The following FBLN2 variants were observed in gnomAD, a reference collection of about 807,000 sequenced individuals.
FBLN2 encodes the protein fibulin 2.
FBLN2 carries 81 observed loss-of-function variants against 123.7 expected under a neutral mutation model. That is an observed-to-expected ratio of 0.65 (90% CI 0.55 to 0.79). The LOEUF (loss-of-function observed/expected upper bound fraction) is 0.79. Ranked by LOEUF, FBLN2 falls within the 30% of genes least tolerant of loss-of-function variation. The pLI is 0.00. For missense variants in FBLN2, 1,603 were observed against 1,681.3 expected, an observed-to-expected ratio of 0.95 and a Z score of 0.81; for synonymous variants, 699 against 701.4, an observed-to-expected ratio of 1.00 and a Z score of 0.05.
intron 2 of FBLN2, among the ~76,000 whole-genome samples, chr3:13,603,632 A>G (rs145288106): frequency 0.014 from 2,147 of 152,130 alleles, 54 homozygotes; most frequent in African/African-American, 0.049. Context: ...AATCCAGTCT[A>G]TCATTGATGG....
In FBLN2 at chr3:13,637,765, G is replaced by A. The variant is rs758148710; in HGVS notation, c.3542G>A (p.Arg1181Lys). Reference sequence around the variant, plus strand: ...GAGGAGGGCTACTTTGGCACGCGCAGGCTCAATGCCTACACGGGTGTGGTC... The same window carrying A: ...GAGGAGGGCTACTTTGGCACGCGCAAGCTCAATGCCTACACGGGTGTGGTC... ...GNEEGYFGTR[R>K]LNAYTGVVYL... Residue 1181 changes from arginine (R) to lysine (K), a missense_variant, in exon 18 of 18, where the codon AGG becomes AAG. Physicochemically the swap from Arg to Lys is conservative, Grantham distance 26. Transcript: ENST00000404922. 2.3e-5 allele frequency: 37 copies of A among 1,613,952 alleles called. No individual in the cohort carries two copies. Among genetic ancestry groups the A allele is most frequent in the South Asian group, 1.3e-4 (12 of 91,082 alleles).
chr3:13,586,654 T>C (rs9844115), intron 2 of FBLN2, among the ~76,000 whole-genome samples: 33,611 of 148,394 alleles, frequency 0.23, 5,246 homozygotes, highest in East Asian at 0.43. Context: ...CATGGTGCCA[T>C]GCCCAGCTAA....
intron 2 of FBLN2, among the ~76,000 whole-genome samples, chr3:13,588,219 T>A (rs768942105): frequency 1.8e-4 from 28 of 152,232 alleles, no homozygotes; most frequent in Non-Finnish European, 4.0e-4. Flanking sequence ...CCTGTAGTAC[T>A]CAGTACAGTC....
chr3:13,614,568 C>T (rs550469310), intron 5 of FBLN2, among the ~76,000 whole-genome samples: 30 of 144,054 alleles, frequency 2.1e-4, no homozygotes, highest in African/African-American at 7.0e-4. Flanking sequence ...TCCTCTATCC[C>T]ATCATCTGTC....
At chr3:13,570,053 C>T (rs552830599) in intron 1 of FBLN2, among the ~76,000 whole-genome samples, 3 of 152,104 alleles carry the variant, frequency 2.0e-5, no homozygotes, top group East Asian at 1.9e-4. Context: ...GATGGAGTGG[C>T]CCAGCAAACA....
At chr3:13,590,590 T>A (rs933854976) in intron 2 of FBLN2, among the ~76,000 whole-genome samples, 4 of 152,192 alleles carry the variant, frequency 2.6e-5, no homozygotes, top group Admixed American at 2.0e-4. Flanking sequence ...CCTCCCAAAA[T>A]GCTGGGATTA....
chr3:13,559,126 G>A (rs573148919), intron 1 of FBLN2, among the ~76,000 whole-genome samples: 3 of 152,204 alleles, frequency 2.0e-5, no homozygotes, highest in African/African-American at 7.2e-5. Flanking sequence ...TTCAGCCAGG[G>A]GTCTGTGAGT....
At chr3:13,557,043 G>T (rs1239467946) in intron 1 of FBLN2, among the ~76,000 whole-genome samples, 2 of 152,264 alleles carry the variant, frequency 1.3e-5, no homozygotes. Flanking sequence ...TTCAGAACTT[G>T]CTGTTTCTTC....
At chr3:13,573,427 CA>C (rs1170174425) in intron 2 of FBLN2, among the ~76,000 whole-genome samples, 2 of 152,140 alleles carry the variant, frequency 1.3e-5, no homozygotes, top group African/African-American at 4.8e-5. Flanking sequence ...GAGTGAGGCT[CA>C]CCACTTCACT....
intron 10 of FBLN2, 77 bp from the exon 11 acceptor site, chr3:13,627,755 G>A: frequency 6.7e-7 from 1 of 1,488,068 alleles, no homozygotes; most frequent in Non-Finnish European, 9.0e-7. Context: ...CTGAGGGCGG[G>A]GATGTGTGGG....
chr3:13,578,328 C>T (rs1249988005), intron 2 of FBLN2, among the ~76,000 whole-genome samples: 2 of 152,150 alleles, frequency 1.3e-5, no homozygotes, highest in African/African-American at 2.4e-5. Context: ...CAGAAAGACA[C>T]CCACATCTGT....
rs758652354 is a variant in FBLN2, at chr3:13,571,457, G to C, written c.1102G>C (p.Val368Leu). 7 of 1,613,084 alleles carry C rather than the reference G, an allele frequency of 4.3e-6. No individual in the cohort carries two copies. The highest frequency in any genetic ancestry group is 5.1e-6 in the Non-Finnish European group (6 of 1,179,680). Residue 368 changes from valine to leucine, a missense_variant, in exon 2 of 18, where the codon GTC becomes CTC. By Grantham distance (32) the Val-to-Leu change is conservative (BLOSUM62 1). Transcript: ENST00000404922. ...HAPSLGKAAL[V>L]PTQAVPGSPR... ...ACCGAGCCTGGGCAAGGCTGCTCTC[G>C]TCCCAACTCAGGCCGTGCCTGGCTC...
intron 2 of FBLN2, among the ~76,000 whole-genome samples, chr3:13,591,815 C>T (rs1704684475): frequency 6.6e-6 from 1 of 152,220 alleles, no homozygotes; most frequent in East Asian, 1.9e-4. Context: ...TTTTACCTTA[C>T]ACATTTAGCT....
At chr3:13,580,495 A>C (rs1704290783) in intron 2 of FBLN2, among the ~76,000 whole-genome samples, 2 of 152,238 alleles carry the variant, frequency 1.3e-5, no homozygotes, top group Non-Finnish European at 2.9e-5. Flanking sequence ...ACAGTCAACA[A>C]AATGAACATC....
At chr3:13,619,079 G>A in intron 7 of FBLN2, 62 bp downstream of exon 7, 4 of 1,281,610 alleles carry the variant, frequency 3.1e-6, no homozygotes, top group Non-Finnish European at 4.4e-6. Flanking sequence ...GGTCTGGGCT[G>A]CTTGCAGGTG....
At chr3:13,610,381 G>C (rs1298114890) in intron 4 of FBLN2, among the ~76,000 whole-genome samples, 1 of 152,104 alleles carries the variant, frequency 6.6e-6, no homozygotes, top group African/African-American at 2.4e-5. Flanking sequence ...GGTTATTGAG[G>C]GTGTTTCTCT....
chr3:13,617,138 TCATCAATCCATCCATC>T (rs1288020321), intron 5 of FBLN2, among the ~76,000 whole-genome samples: 9 of 102,710 alleles, frequency 8.8e-5, no homozygotes, highest in African/African-American at 5.9e-4. Context: ...GCCCATCCAT[TCATCAATCCATCCATC>T]CATCCATCCA....
rs562404768 is a variant in FBLN2, at chr3:13,570,243, G to A, written c.-41-72G>A. The A allele has an allele frequency of 3.4e-5, 48 of 1,422,684 alleles. No homozygotes were observed. The East Asian group carries it at 3.8e-4, about 11-fold the overall frequency. 88.1% of individuals were successfully genotyped at this position (1,422,684 alleles called of 1,614,324 possible). ...TGGCTGAGGCTGGGCCCCTGCCCGC[G>A]TGCGTGCCGGTGTGCACCGTGTCTG... On this transcript the variant is annotated intron_variant, in intron 1 of 17. Transcript: ENST00000404922.
intron 10 of FBLN2, among the ~76,000 whole-genome samples, chr3:13,627,619 G>C (rs1360082368): frequency 2.0e-5 from 3 of 152,206 alleles, no homozygotes; most frequent in Non-Finnish European, 4.4e-5. Flanking sequence ...GAACAATGGT[G>C]GGACCAAAGA....
Sources: gnomAD v4.1 joint callset for allele counts (sites outside exome capture counted in the v4.1 genomes callset) on GRCh38, gnomAD v4.1.1 for gene constraint, MANE v1.5 for transcripts, NCBI Gene and HGNC (gene_info 2026-07-23, HGNC 2026-07-21) for gene names.